UTP6: variants seen among roughly 807,000 people sequenced by gnomAD.
The protein encoded by UTP6 is UTP6 small subunit processome component.
Under a neutral mutation model 96.5 loss-of-function variants are expected in UTP6, and 60 were observed. That is an observed-to-expected ratio of 0.62 (90% CI 0.51 to 0.77). UTP6 has a LOEUF of 0.77. UTP6 is among the 30% of genes least tolerant of loss of function. The pLI is 0.00. For synonymous variants in UTP6, 215 were observed against 240.1 expected (o/e 0.90, Z 0.96); for missense variants, 637 against 706.5 (o/e 0.90, Z 1.12).
At chr17:31,898,251 T>C (rs1476683753) in intron 2 of UTP6, among the ~76,000 whole-genome samples, 4 of 152,276 alleles carry the variant, frequency 2.6e-5, no homozygotes, top group Middle Eastern at 3.4e-3. Context: ...AAAAAACTGA[T>C]GTTGGCCGGG....
chr17:31,878,843 G>A, intron 11 of UTP6, 62 bp from the exon 12 acceptor site: 1 of 1,475,046 alleles, frequency 6.8e-7, no homozygotes, highest in Non-Finnish European at 9.4e-7. Flanking sequence ...TCACATCAAA[G>A]TTATTAAAAG....
chr17:31,873,597 G>C, intron 15 of UTP6, 76 bp downstream of exon 15: 9 of 1,605,768 alleles, frequency 5.6e-6, no homozygotes, highest in Non-Finnish European at 7.7e-6. Flanking sequence ...AGGCGCACCT[G>C]CAACACTAGA....
chr17:31,873,791 A>G lies in UTP6; in HGVS notation c.1306-38T>C. The G allele has an allele frequency of 2.5e-6, 4 of 1,582,738 alleles. No individual in the cohort carries two copies. In the South Asian group the frequency reaches 4.6e-5, roughly 18 times the overall value. ...TAAAAAATGTTAGTTAGAGAACAGCATATAACAAAACATCGCATGTACCCT... is the reference window on the plus strand; with the variant it reads ...TAAAAAATGTTAGTTAGAGAACAGCGTATAACAAAACATCGCATGTACCCT... On this transcript the variant is annotated intron_variant, in intron 14 of 18. Coordinates refer to ENST00000261708, the MANE Select transcript of UTP6 (RefSeq NM_018428.3).
At chr17:31,891,983 A>G (rs1021267488) in intron 6 of UTP6, among the ~76,000 whole-genome samples, 7 of 152,186 alleles carry the variant, frequency 4.6e-5, no homozygotes, top group Non-Finnish European at 1.0e-4. Context: ...AGATCACACC[A>G]CTGCCCTCCA....
chr17:31,881,157 C>T (rs1273480816), intron 10 of UTP6, among the ~76,000 whole-genome samples: 6 of 149,992 alleles, frequency 4.0e-5, no homozygotes, highest in East Asian at 1.9e-4. Flanking sequence ...GGCGACAGAG[C>T]GAGACTCTGT....
At chr17:31,892,572 T>C (rs909328613) in intron 5 of UTP6, among the ~76,000 whole-genome samples, 175 bp downstream of exon 5, 13 of 152,242 alleles carry the variant, frequency 8.5e-5, no homozygotes, top group Non-Finnish European at 1.6e-4. Context: ...TTCTTTTCAA[T>C]TGAATTGGAA....
At chr17:31,884,155 C>T (rs891869913) in intron 10 of UTP6, among the ~76,000 whole-genome samples, 1 of 151,756 alleles carries the variant, frequency 6.6e-6, no homozygotes, top group Non-Finnish European at 1.5e-5. Context: ...TGCACTACCA[C>T]GCCCAACTAA....
At chr17:31,889,499 T>TC in intron 6 of UTP6, 96 bp from the exon 7 acceptor site, 1 of 813,196 alleles carries the variant, frequency 1.2e-6, no homozygotes, top group East Asian at 3.1e-5. Context: ...CGCACAATTT[T>TC]TTTTTTTTTT....
chr17:31,873,461 G>A lies in UTP6; in HGVS notation c.1413C>T (p.Ala471=), dbSNP rs199682205. Residue 471 remains alanine, a synonymous_variant, in exon 16 of 19, where the codon GCC becomes GCT. Coordinates refer to ENST00000261708, the MANE Select transcript of UTP6 (RefSeq NM_018428.3). ...ACTTATTCTTCAGGGTTACTGAGTC[G>A]GCACCTATGACAGCTAAGAGAGCTT... is the stretch of plus-strand genomic sequence containing the variant. ...FKKALLAVIG[A]DSVTLKNKYL... is the part of the protein sequence containing the mutation. The A allele has an allele frequency of 6.3e-5, 102 of 1,613,870 alleles. No homozygotes were observed. The highest frequency in any genetic ancestry group is 7.8e-5 in the Non-Finnish European group (92 of 1,180,008).
intron 16 of UTP6, 24 bp downstream of exon 16, chr17:31,873,354 A>C: frequency 6.2e-7 from 1 of 1,611,298 alleles, no homozygotes; most frequent in Non-Finnish European, 8.5e-7. Flanking sequence ...GGGACTAGTA[A>C]CAACTATGAA....
chr17:31,864,185 G>A (rs1243346481), intron 18 of UTP6, among the ~76,000 whole-genome samples: 1 of 152,100 alleles, frequency 6.6e-6, no homozygotes, highest in African/African-American at 2.4e-5. Context: ...AAGAGTTCAA[G>A]ACCAGCCTAG....
At chr17:31,893,734 CAAAA>C (rs3084042) in intron 4 of UTP6, among the ~76,000 whole-genome samples, 7 of 84,450 alleles carry the variant, frequency 8.3e-5, no homozygotes, top group Admixed American at 1.3e-4. Flanking sequence ...CATCCCCCAC[CAAAA>C]AAAAAAAAAA....
intron 2 of UTP6, among the ~76,000 whole-genome samples, chr17:31,897,106 A>G (rs1904697838): frequency 6.6e-6 from 1 of 151,758 alleles, no homozygotes; most frequent in Admixed American, 6.6e-5. Flanking sequence ...GGGCAACATA[A>G]GGAGACCCTA....
intron 17 of UTP6, among the ~76,000 whole-genome samples, chr17:31,867,443 G>C (rs1326746987): frequency 1.3e-5 from 2 of 150,050 alleles, no homozygotes; most frequent in African/African-American, 4.9e-5. Flanking sequence ...AGGATGCAGA[G>C]TTTGCAGTGA....
chr17:31,898,382 C>T (rs1904778847), intron 2 of UTP6, among the ~76,000 whole-genome samples: 1 of 152,040 alleles, frequency 6.6e-6, no homozygotes, highest in Admixed American at 6.6e-5. Flanking sequence ...AAAAATTAGC[C>T]TGGCGTGGTT....
intron 10 of UTP6, among the ~76,000 whole-genome samples, chr17:31,881,333 C>G (rs1022748880): frequency 3.9e-4 from 58 of 147,202 alleles, no homozygotes; most frequent in African/African-American, 1.4e-3. Flanking sequence ...GTGGCACAAT[C>G]TCAGTTCGCT....
intron 10 of UTP6, among the ~76,000 whole-genome samples, chr17:31,882,639 AAAT>A (rs1235501122): frequency 2.0e-5 from 3 of 152,048 alleles, no homozygotes; most frequent in Non-Finnish European, 4.4e-5. Flanking sequence ...TTCATTTTCT[AAAT>A]AATAGAGAAA....
intron 11 of UTP6, 102 bp from the exon 12 acceptor site, chr17:31,878,883 T>C (rs1910655937): frequency 1.9e-6 from 2 of 1,070,808 alleles, no homozygotes; most frequent in East Asian, 4.8e-5. Flanking sequence ...TCCTACACCT[T>C]TACTTCAAGG....
chr17:31,890,176 T>C (rs1422906119), intron 6 of UTP6, among the ~76,000 whole-genome samples: 2 of 151,944 alleles, frequency 1.3e-5, no homozygotes, highest in East Asian at 3.9e-4. Flanking sequence ...TTTGTAACTT[T>C]GTAGAGATGG....
Sources: gnomAD v4.1 joint callset for allele counts (sites outside exome capture counted in the v4.1 genomes callset) on GRCh38, gnomAD v4.1.1 for gene constraint, MANE v1.5 for transcripts, NCBI Gene and HGNC (gene_info 2026-07-23, HGNC 2026-07-21) for gene names.